The following ANXA7 variants were observed in gnomAD, a reference collection of about 807,000 sequenced individuals.
The protein encoded by ANXA7 is annexin A7.
Under a neutral mutation model 64.9 loss-of-function variants are expected in ANXA7, and 55 were observed. The ratio of observed to expected loss-of-function variants is 0.85; its 90% CI spans 0.68 to 1.06. The LOEUF (loss-of-function observed/expected upper bound fraction) is 1.06. Ranked by LOEUF, ANXA7 falls within the 50% of genes least tolerant of loss-of-function variation. The pLI is 0.00. For missense variants in ANXA7, 548 were observed against 582.1 expected (o/e 0.94, Z 0.60); for synonymous variants, 200 against 192.4 (o/e 1.04, Z -0.33).
At chr10:73,413,028 C>T (rs145816034) in intron 1 of ANXA7, among the ~76,000 whole-genome samples, 1 of 152,026 alleles carries the variant, frequency 6.6e-6, no homozygotes, top group East Asian at 1.9e-4. Flanking sequence ...CGCGCAACAG[C>T]GAATACAATT....
chr10:73,395,374 A>C (rs2055552914), intron 5 of ANXA7, among the ~76,000 whole-genome samples: 2 of 152,242 alleles, frequency 1.3e-5, no homozygotes, highest in Non-Finnish European at 2.9e-5. Context: ...TATAGAAATC[A>C]ATAAGAAAAT....
rs140763109 is a variant in ANXA7 at position 73,399,681 on chromosome 10, C to T, written c.54+1122G>A. ...ACTAAAAATACAAAACCTAGCTGGG[C>T]GTGGTGGCACGTACCTGTAATCCCA... On this transcript the variant is annotated intron_variant, in intron 2 of 12. Transcript: ENST00000372921. Among the ~76,000 whole-genome samples, 647 of 151,900 alleles carry T rather than the reference C, an allele frequency of 4.3e-3. 13 individuals are homozygous for T. The East Asian group carries it at 0.057, about 13-fold the overall frequency.
intron 12 of ANXA7, among the ~76,000 whole-genome samples, 191 bp downstream of exon 12, chr10:73,378,720 A>G (rs1350818927): frequency 2.0e-5 from 3 of 152,162 alleles, no homozygotes; most frequent in Admixed American, 1.3e-4. Context: ...AGAGTGGCCT[A>G]TTTCACTAAT....
chr10:73,403,223 C>A (rs984465204), intron 1 of ANXA7, among the ~76,000 whole-genome samples: 2 of 152,192 alleles, frequency 1.3e-5, no homozygotes, highest in African/African-American at 4.8e-5. Context: ...CACAGCGGCT[C>A]ATGCCTGTAA....
intron 4 of ANXA7, 137 bp downstream of exon 4, chr10:73,397,027 C>A: frequency 2.1e-6 from 1 of 487,004 alleles, no homozygotes; most frequent in Non-Finnish European, 3.7e-6. Context: ...TTTCATAAAA[C>A]CATTATGTTT....
intron 7 of ANXA7, among the ~76,000 whole-genome samples, chr10:73,384,412 T>C (rs1051668530): frequency 2.7e-5 from 4 of 150,352 alleles, no homozygotes; most frequent in South Asian, 4.2e-4. Flanking sequence ...TTTGTTGTTA[T>C]TTTTTTTGAG....
At chr10:73,384,932 C>T (rs1158062579) in intron 7 of ANXA7, among the ~76,000 whole-genome samples, 5 of 151,780 alleles carry the variant, frequency 3.3e-5, no homozygotes. Flanking sequence ...AGAAGGGGTT[C>T]CCAGCCTTGA....
intron 1 of ANXA7, among the ~76,000 whole-genome samples, chr10:73,404,648 T>C (rs1454624234): frequency 6.6e-6 from 1 of 152,012 alleles, no homozygotes; most frequent in East Asian, 1.9e-4. Context: ...CTCCTGTCCA[T>C]TGTTGAAAAG....
At chr10:73,381,819 T>G (rs550223460) in intron 9 of ANXA7, among the ~76,000 whole-genome samples, 15 of 152,318 alleles carry the variant, frequency 9.8e-5, no homozygotes, top group African/African-American at 3.1e-4. Context: ...AAATTCAATT[T>G]CCTTCAACCC....
chr10:73,399,420 G>T (rs182082915), intron 2 of ANXA7, among the ~76,000 whole-genome samples: 4 of 152,110 alleles, frequency 2.6e-5, no homozygotes, highest in African/African-American at 9.7e-5. Flanking sequence ...ATAAATTCAC[G>T]AGAGCTATAT....
chr10:73,380,345 G>A, intron 9 of ANXA7, 144 bp from the exon 10 acceptor site: 5 of 785,884 alleles, frequency 6.4e-6, no homozygotes, highest in Middle Eastern at 3.8e-4. Flanking sequence ...TCAGGCTGGA[G>A]TGCAGTATCA....
intron 5 of ANXA7, among the ~76,000 whole-genome samples, chr10:73,391,927 A>C (rs2055490377): frequency 6.6e-6 from 1 of 152,174 alleles, no homozygotes; most frequent in Non-Finnish European, 1.5e-5. Context: ...TTAAGGTGGT[A>C]ATTGTTGCAT....
intron 6 of ANXA7, 101 bp downstream of exon 6, chr10:73,388,211 C>A: frequency 1.2e-6 from 1 of 808,598 alleles, no homozygotes; most frequent in Non-Finnish European, 2.1e-6. Context: ...TATGCGCACC[C>A]AGGCTGACAC....
chr10:73,377,773 G>GT (rs2055200570), intron 12 of ANXA7, among the ~76,000 whole-genome samples: 2 of 124,818 alleles, frequency 1.6e-5, no homozygotes, highest in African/African-American at 6.4e-5. Flanking sequence ...GGTGGGTGTG[G>GT]GTGTGTGTGT....
In ANXA7 at chr10:73,383,214, T is replaced by C; in HGVS notation, c.879A>G (p.Thr293=). ...RDLEKDIRSD[T]SGHFERLLVS... ...CAAGTAAACGTTCAAAATGTCCTGATGTATCTGACCTAATGTCCTTTTCAA... is the reference window on the plus strand; with the variant it reads ...CAAGTAAACGTTCAAAATGTCCTGACGTATCTGACCTAATGTCCTTTTCAA... The change falls in exon 9 of 13, where the codon ACA becomes ACG. Residue 293 remains threonine, a synonymous_variant. Coordinates refer to ENST00000372921, the MANE Select transcript of ANXA7 (RefSeq NM_001156.5). 1 of 1,614,080 alleles carries C rather than the reference T, an allele frequency of 6.2e-7. No individual in the cohort carries two copies. Among genetic ancestry groups the C allele is most frequent in the Non-Finnish European group, 8.5e-7 (1 of 1,179,962 alleles).
chr10:73,391,727 T>A (rs182811423), intron 5 of ANXA7, among the ~76,000 whole-genome samples: 246 of 152,050 alleles, frequency 1.6e-3, no homozygotes, highest in African/African-American at 5.5e-3. Flanking sequence ...AAGACAAAAA[T>A]TTTTTTTACA....
chr10:73,409,187 A>C (rs1322866282), intron 1 of ANXA7, among the ~76,000 whole-genome samples: 1 of 152,198 alleles, frequency 6.6e-6, no homozygotes, highest in African/African-American at 2.4e-5. Flanking sequence ...AGGGGAAAGC[A>C]ATAAAGTGTA....
chr10:73,391,701 G>C (rs1263609229), intron 5 of ANXA7, among the ~76,000 whole-genome samples: 1 of 152,024 alleles, frequency 6.6e-6, no homozygotes, highest in African/African-American at 2.4e-5. Flanking sequence ...GGATAAACTG[G>C]CCCAACTTCC....
intron 12 of ANXA7, among the ~76,000 whole-genome samples, chr10:73,377,883 G>A (rs2055207666): frequency 6.8e-6 from 1 of 146,398 alleles, no homozygotes; most frequent in Non-Finnish European, 1.5e-5. Context: ...TCACCATGTT[G>A]CCCAGGCTAC....
Sources: allele counts gnomAD v4.1 joint callset (sites outside exome capture counted in the v4.1 genomes callset), GRCh38; gene constraint gnomAD v4.1.1; transcripts MANE v1.5; gene names NCBI Gene and HGNC (gene_info 2026-07-23, HGNC 2026-07-21).